The following TFF3 variants were observed in gnomAD, a reference collection of about 807,000 sequenced individuals.
The protein encoded by TFF3 is trefoil factor 3.
TFF3 carries 6 observed loss-of-function variants against 9.7 expected under a neutral mutation model. The observed-to-expected ratio is 0.62, with a 90% confidence interval of 0.34 to 1.22. The LOEUF (loss-of-function observed/expected upper bound fraction) is 1.22. Ranked by LOEUF, TFF3 falls within the 50% of genes most tolerant of loss-of-function variation. The pLI, the probability that TFF3 is intolerant of heterozygous loss-of-function variation, is 0.04. For synonymous variants in TFF3, 48 were observed against 41.4 expected, an observed-to-expected ratio of 1.16 and a Z score of -0.61; for missense variants, 93 against 98.6, an observed-to-expected ratio of 0.94 and a Z score of 0.24.
In TFF3 at chr21:42,315,324, G is replaced by A. The variant is rs1275030712; in HGVS notation, c.51C>T (p.Ser17=). 1 of 1,614,042 alleles carries A rather than the reference G, an allele frequency of 6.2e-7. No individual in the cohort carries two copies. Among genetic ancestry groups the A allele is most frequent in the Non-Finnish European group, 8.5e-7 (1 of 1,180,002 alleles). The change falls in exon 1 of 3, where the codon TCC becomes TCT. Residue 17 remains serine (S), a synonymous_variant. Coordinates refer to ENST00000518498, the MANE Select transcript of TFF3 (RefSeq NM_003226.4). ...CCACGTACTCCTCAGCAGAGCTGGA[G>A]GACAGCAAGGCCAGGACCAGCCCCA... is the stretch of plus-strand genomic sequence containing the variant. The part of the protein sequence containing the change: ...CMLGLVLALL[S]SSSAEEYVGL...
At chr21:42,315,171 G>C in intron 1 of TFF3, 122 bp downstream of exon 1, 1 of 1,323,710 alleles carries the variant, frequency 7.6e-7, no homozygotes, top group East Asian at 2.6e-5. Flanking sequence ...CAAAGGGCTA[G>C]CGCAGGAAAA....
chr21:42,314,639 G>A (rs1841978575), intron 1 of TFF3, among the ~76,000 whole-genome samples: 1 of 152,238 alleles, frequency 6.6e-6, no homozygotes, highest in African/African-American at 2.4e-5. Flanking sequence ...GAGTGACAAA[G>A]CAAGGCTATC....
intron 1 of TFF3, among the ~76,000 whole-genome samples, chr21:42,314,321 A>G (rs183126479): frequency 3.9e-5 from 6 of 152,214 alleles, no homozygotes; most frequent in Non-Finnish European, 8.8e-5. Context: ...CTGGCATCCA[A>G]ACTTCGCTCA....
chr21:42,312,041 C>A lies in TFF3; in HGVS notation c.*215G>T. On this transcript the variant is annotated 3_prime_UTR_variant, in exon 3 of 3. Transcript: ENST00000518498. Reference sequence around the variant, plus strand: ...ACGACGCAGCAGAAATAAAGCACAACCTCAGAAAGTCTCAGGCACGAAGAA... The same window carrying A: ...ACGACGCAGCAGAAATAAAGCACAAACTCAGAAAGTCTCAGGCACGAAGAA... The A allele has an allele frequency of 4.2e-6, 3 of 717,462 alleles. No homozygotes were observed. The highest frequency in any genetic ancestry group is 5.1e-6 in the Non-Finnish European group (2 of 392,222). 44.4% of individuals were successfully genotyped at this position (717,462 alleles called of 1,614,324 possible).
Position 42,313,741 on chromosome 21 carries a change from G to GT in TFF3, c.83-111dup. On this transcript the variant is annotated intron_variant, in intron 1 of 2. Transcript: ENST00000518498. The surrounding 1 kb of genome is among the most constrained non-coding windows in gnomAD (Gnocchi z 4.0). ...CTCCCGCTCCGCCCCACCCCGCCGAGTTCAACCACTGCTGAAACCCTCGCC... is the reference window on the plus strand; with the variant it reads ...CTCCCGCTCCGCCCCACCCCGCCGAGTTTCAACCACTGCTGAAACCCTCGCC... 1 of 1,287,688 alleles carries GT rather than the reference G, an allele frequency of 7.8e-7. No homozygotes were observed. The highest frequency in any genetic ancestry group is 1.6e-5 in the South Asian group (1 of 64,136). 79.8% of individuals were successfully genotyped at this position (1,287,688 alleles called of 1,614,324 possible).
chr21:42,315,183 GTGTATA>G (rs2069351526), intron 1 of TFF3, 104 bp downstream of exon 1: 23 of 1,395,050 alleles, frequency 1.6e-5, no homozygotes, highest in Non-Finnish European at 2.1e-5. Flanking sequence ...GCAGGAAAAA[GTGTATA>G]TGTGACAGGT....
chr21:42,312,386 C>A, intron 2 of TFF3, 117 bp from the exon 3 acceptor site: 1 of 1,303,066 alleles, frequency 7.7e-7, no homozygotes, highest in East Asian at 2.3e-5. Flanking sequence ...CCCAGAGTCA[C>A]CGGGGAGTGT....
rs755411556 is a variant in TFF3, at chr21:42,313,478, G to A, written c.229+7C>T. 6 of 1,606,190 alleles carry A rather than the reference G, an allele frequency of 3.7e-6. No homozygotes were observed. In the South Asian group the frequency reaches 6.7e-5, roughly 18 times the overall value. ...GGGCCCAGACCACGATGCCACTGGG[G>A]CCTTACCTGCTTCCTGCAGGGGCTT... On this transcript the variant is annotated splice_region_variant and intron_variant, in intron 2 of 2. Coordinates refer to ENST00000518498, the MANE Select transcript of TFF3 (RefSeq NM_003226.4). This position sits in a 1 kb window ranked among gnomAD's most constrained non-coding sequence, Gnocchi z 4.0.
At chr21:42,312,304 C>A in intron 2 of TFF3, 35 bp from the exon 3 acceptor site, 2 of 1,571,698 alleles carry the variant, frequency 1.3e-6, no homozygotes, top group Non-Finnish European at 1.7e-6. Flanking sequence ...TGAGCAGTCT[C>A]TCTCCACCCA....
At position 42,313,563 on chromosome 21, in the gene TFF3, C is replaced by G. The variant is rs2069342631; in HGVS notation, c.151G>C (p.Glu51Gln). ...DCGYPHVTPK[E>Q]CNNRGCCFDS... ...AAGCAGCAGCCCCGGTTGTTGCACT[C>G]CTTGGGGGTGACATGGGGGTAGCCG... Residue 51 changes from glutamate to glutamine, a missense_variant, in exon 2 of 3, where the codon GAG becomes CAG. Transcript: ENST00000518498. The surrounding 1 kb of genome is among the most constrained non-coding windows in gnomAD (Gnocchi z 4.0). 6.2e-7 allele frequency: 1 copy of G among 1,611,334 alleles called. No homozygotes were observed. The highest frequency in any genetic ancestry group is 8.5e-7 in the Non-Finnish European group (1 of 1,179,632).
Position 42,311,880 on chromosome 21 carries a change from G to T in TFF3, c.*376C>A. ...TTCCCGAGGAAGCGGCACTTACAGT[G>T]TTCCTAGGCTTTCCTGTGACGTGGG... On this transcript the variant is annotated 3_prime_UTR_variant, in exon 3 of 3. Transcript: ENST00000518498. 2 of 442,310 alleles carry T rather than the reference G, an allele frequency of 4.5e-6. No individual in the cohort carries two copies. Among genetic ancestry groups the T allele is most frequent in the South Asian group, 2.3e-5 (1 of 42,850 alleles). 27.4% of individuals were successfully genotyped at this position (442,310 alleles called of 1,614,324 possible). A position where few individuals can be genotyped will look rare whatever the true frequency, so the allele number is the denominator to read the frequency against.
Position 42,313,464 on chromosome 21 carries a change from A to G in TFF3, c.229+21T>C. 3 of 1,596,842 alleles carry G rather than the reference A, an allele frequency of 1.9e-6. No homozygotes were observed. The highest frequency in any genetic ancestry group is 1.7e-6 in the Non-Finnish European group (2 of 1,171,846). ...TGCCTTATGGGGCTGGGCCCAGACC[A>G]CGATGCCACTGGGGCCTTACCTGCT... is the stretch of plus-strand genomic sequence containing the variant. On this transcript the variant is annotated intron_variant, in intron 2 of 2. Coordinates refer to ENST00000518498, the MANE Select transcript of TFF3 (RefSeq NM_003226.4). The surrounding 1 kb of genome is among the most constrained non-coding windows in gnomAD (Gnocchi z 4.0).
Position 42,313,462 on chromosome 21 carries a change from C to T in TFF3, c.229+23G>A, listed in dbSNP as rs1314611647. The T allele has an allele frequency of 2.5e-6, 4 of 1,596,254 alleles. No individual in the cohort carries two copies. The South Asian group carries it at 4.5e-5, about 18-fold the overall frequency. On this transcript the variant is annotated intron_variant, in intron 2 of 2. Coordinates refer to ENST00000518498, the MANE Select transcript of TFF3 (RefSeq NM_003226.4). This position sits in a 1 kb window ranked among gnomAD's most constrained non-coding sequence, Gnocchi z 4.0. Reference sequence around the variant, plus strand: ...CCTGCCTTATGGGGCTGGGCCCAGACCACGATGCCACTGGGGCCTTACCTG... The same window carrying T: ...CCTGCCTTATGGGGCTGGGCCCAGATCACGATGCCACTGGGGCCTTACCTG...
chr21:42,313,741 G>T lies in TFF3; in HGVS notation c.83-110C>A. On this transcript the variant is annotated intron_variant, in intron 1 of 2. Transcript: ENST00000518498. The surrounding 1 kb of genome is among the most constrained non-coding windows in gnomAD (Gnocchi z 4.0). The stretch of plus-strand genomic sequence containing the variant: ...CTCCCGCTCCGCCCCACCCCGCCGA[G>T]TTCAACCACTGCTGAAACCCTCGCC... 1 of 1,287,688 alleles carries T rather than the reference G, an allele frequency of 7.8e-7. No homozygotes were observed. The highest frequency in any genetic ancestry group is 1.0e-6 in the Non-Finnish European group (1 of 959,642). 79.8% of individuals were successfully genotyped at this position (1,287,688 alleles called of 1,614,324 possible). A position where few individuals can be genotyped will look rare whatever the true frequency, so the allele number is the denominator to read the frequency against.
chr21:42,312,934 G>T (rs1171571836), intron 2 of TFF3, among the ~76,000 whole-genome samples: 1 of 152,148 alleles, frequency 6.6e-6, no homozygotes, highest in East Asian at 1.9e-4. Flanking sequence ...CGCACAGCAC[G>T]CAGGCTCTCC....
At chr21:42,314,058 T>C (rs1234819719) in intron 1 of TFF3, among the ~76,000 whole-genome samples, 1 of 152,210 alleles carries the variant, frequency 6.6e-6, no homozygotes, top group African/African-American at 2.4e-5. Flanking sequence ...ATAGAGATCA[T>C]TGCAACGCAT....
Position 42,312,264 on chromosome 21 carries a change from T to C in TFF3, c.235A>G (p.Thr79Ala). The C allele has an allele frequency of 6.2e-7, 1 of 1,609,772 alleles. No homozygotes were observed. The highest frequency in any genetic ancestry group is 8.5e-7 in the Non-Finnish European group (1 of 1,177,944). The change falls in exon 3 of 3, where the codon ACC becomes GCC. Residue 79 changes from threonine to alanine, a missense_variant. Transcript: ENST00000518498. The stretch of plus-strand genomic sequence containing the variant: ...GGGCAGCTGGAGGTGCCTCAGAAGG[T>C]GCATTCTGCAAACAGAGCAAAGGCT... ...CFKPLQEAEC[T>A]F
At chr21:42,312,380 G>T in intron 2 of TFF3, 111 bp from the exon 3 acceptor site, 2 of 1,327,660 alleles carry the variant, frequency 1.5e-6, no homozygotes, top group Non-Finnish European at 2.1e-6. Flanking sequence ...CTCCTCCCCA[G>T]AGTCACCGGG....
rs2069344668 is a variant in TFF3, at chr21:42,313,857, C to A, written c.83-226G>T. On this transcript the variant is annotated intron_variant, in intron 1 of 2. Coordinates refer to ENST00000518498, the MANE Select transcript of TFF3 (RefSeq NM_003226.4). This position sits in a 1 kb window ranked among gnomAD's most constrained non-coding sequence, Gnocchi z 4.0. ...GGACTCTGGCCATTTGCCTAAGTGT[C>A]TTTCTCCTTGGCACGCTCTTATCAC... 6.6e-6 allele frequency among the ~76,000 whole-genome samples: 1 copy of A among 152,184 alleles called. No homozygotes were observed. The highest frequency in any genetic ancestry group is 6.5e-5 in the Admixed American group (1 of 15,278).
Sources: gnomAD v4.1 joint callset for allele counts (sites outside exome capture counted in the v4.1 genomes callset) on GRCh38, gnomAD v4.1.1 for gene constraint, Gnocchi (gnomAD v3.1) non-coding constraint, MANE v1.5 for transcripts, NCBI Gene and HGNC (gene_info 2026-07-23, HGNC 2026-07-21) for gene names.